Variants in NMNAT2 observed in about 807,000 individuals in gnomAD.
NMNAT2 encodes the protein nicotinamide nucleotide adenylyltransferase 2.
In NMNAT2, 11 loss-of-function variants were observed where a neutral mutation model predicts 41.6. The ratio of observed to expected loss-of-function variants is 0.26; its 90% CI spans 0.17 to 0.44. NMNAT2 has a LOEUF of 0.44. Ranked by LOEUF, NMNAT2 falls within the 20% of genes least tolerant of loss-of-function variation. The pLI is 1.00. For missense variants in NMNAT2, 288 were observed against 407.7 expected, an observed-to-expected ratio of 0.71 and a Z score of 2.53; for synonymous variants, 148 against 151.2, an observed-to-expected ratio of 0.98 and a Z score of 0.16.
chr1:183,256,261 T>C (rs1384685077), intron 10 of NMNAT2, among the ~76,000 whole-genome samples: 1 of 151,782 alleles, frequency 6.6e-6, no homozygotes, highest in Non-Finnish European at 1.5e-5. Flanking sequence ...CACAAAAAAT[T>C]AGCTGGGCAT....
At chr1:183,367,578 G>C (rs1663440628) in intron 1 of NMNAT2, among the ~76,000 whole-genome samples, 2 of 152,196 alleles carry the variant, frequency 1.3e-5, no homozygotes, top group African/African-American at 4.8e-5. Context: ...TAGAAGCCCA[G>C]TGCAAGATGA....
At chr1:183,394,304 A>T (rs1164575950) in intron 1 of NMNAT2, among the ~76,000 whole-genome samples, 1 of 152,206 alleles carries the variant, frequency 6.6e-6, no homozygotes. Flanking sequence ...CCTAGTCAAG[A>T]GTTTCAGAAG....
chr1:183,362,796 G>C (rs1040382149), intron 1 of NMNAT2, among the ~76,000 whole-genome samples: 1 of 152,108 alleles, frequency 6.6e-6, no homozygotes, highest in Non-Finnish European at 1.5e-5. Context: ...TGGTATTGGT[G>C]GGACATATGG....
intron 1 of NMNAT2, chr1:183,304,546 C>A: frequency 1.2e-6 from 1 of 845,800 alleles, no homozygotes; most frequent in South Asian, 1.5e-5. Flanking sequence ...AACAGGCATG[C>A]ACAGAGCAGC....
At chr1:183,253,947 G>A (rs1293241171) in intron 10 of NMNAT2, among the ~76,000 whole-genome samples, 2 of 148,868 alleles carry the variant, frequency 1.3e-5, no homozygotes, top group African/African-American at 5.1e-5. Context: ...GTGTGTGTAT[G>A]TGTGTGTGTA....
intron 1 of NMNAT2, among the ~76,000 whole-genome samples, chr1:183,361,256 T>C (rs546811304): frequency 6.6e-6 from 1 of 152,284 alleles, no homozygotes; most frequent in African/African-American, 2.4e-5. Flanking sequence ...CAGGGGACCC[T>C]TATCCTCCCC....
At chr1:183,323,358 T>A (rs1386469585) in intron 1 of NMNAT2, among the ~76,000 whole-genome samples, 1 of 152,088 alleles carries the variant, frequency 6.6e-6, no homozygotes, top group Non-Finnish European at 1.5e-5. Flanking sequence ...TGCTTCCTCT[T>A]TCACCCTTCA....
chr1:183,251,415 TATGAAA>T lies in NMNAT2; in HGVS notation c.*1220_*1225del, dbSNP rs752652745. 3.9e-5 allele frequency: 6 copies of T among 152,294 alleles called. No individual in the cohort carries two copies. The highest frequency in any genetic ancestry group is 5.9e-5 in the Non-Finnish European group (4 of 68,086). 9.4% of individuals were successfully genotyped at this position (152,294 alleles called of 1,614,324 possible). ...CTCCTAGTTCATCCTGGACTTACAA[TATGAAA>T]GAGACATTTCCCAGCCCAACAGACA... On this transcript the variant is annotated 3_prime_UTR_variant, in exon 11 of 11. Coordinates refer to ENST00000287713, the MANE Select transcript of NMNAT2 (RefSeq NM_015039.4).
intron 7 of NMNAT2, among the ~76,000 whole-genome samples, chr1:183,280,642 C>T (rs1292488390): frequency 6.6e-6 from 1 of 152,062 alleles, no homozygotes; most frequent in Non-Finnish European, 1.5e-5. Flanking sequence ...CCCACCGTGG[C>T]CTCCCAAAGT....
intron 9 of NMNAT2, 37 bp downstream of exon 9, chr1:183,261,165 C>T (rs774964749): frequency 6.2e-7 from 1 of 1,606,592 alleles, no homozygotes; most frequent in Admixed American, 1.7e-5. Context: ...CAGAGAAGGG[C>T]CATAACACAG....
rs376501186 is a variant in NMNAT2 at position 183,418,358 on chromosome 1, C to T, written c.-91G>A. 15 of 1,283,968 alleles carry T rather than the reference C, an allele frequency of 1.2e-5. No individual in the cohort carries two copies. The African/African-American group carries it at 1.9e-4, about 16-fold the overall frequency. The allele number at this position is 1,283,968 out of a possible 1,614,324, so 79.5% of individuals were successfully genotyped here. A position where few individuals can be genotyped will look rare whatever the true frequency, so the allele number is the denominator to read the frequency against. On this transcript the variant is annotated 5_prime_UTR_variant, in exon 1 of 11. Coordinates refer to ENST00000287713, the MANE Select transcript of NMNAT2 (RefSeq NM_015039.4). ...AGAGGGAGAAAGGAAGGCGAGGCTC[C>T]GGCGGTGGATGCTGTGGACTCCAAG... is the stretch of plus-strand genomic sequence containing the variant.
intron 1 of NMNAT2, among the ~76,000 whole-genome samples, chr1:183,391,932 C>T (rs1042067142): frequency 9.2e-5 from 14 of 152,302 alleles, no homozygotes; most frequent in African/African-American, 3.4e-4. Context: ...GCCTCTTCCC[C>T]ATCTCCCCAA....
chr1:183,341,281 C>T (rs1181722952), intron 1 of NMNAT2, among the ~76,000 whole-genome samples: 1 of 152,046 alleles, frequency 6.6e-6, no homozygotes, highest in African/African-American at 2.4e-5. Context: ...ATTAGTTGCT[C>T]CCATTCTGAA....
intron 1 of NMNAT2, among the ~76,000 whole-genome samples, chr1:183,354,671 C>G (rs1020221501): frequency 3.9e-5 from 6 of 152,128 alleles, no homozygotes; most frequent in African/African-American, 1.4e-4. Flanking sequence ...TCCACCTCGG[C>G]CTCCGAAAGT....
chr1:183,389,283 T>A (rs1357488107), intron 1 of NMNAT2, among the ~76,000 whole-genome samples: 2 of 152,178 alleles, frequency 1.3e-5, no homozygotes, highest in Admixed American at 6.5e-5. Context: ...TTGTCATCTC[T>A]GTTGAGCAAA....
chr1:183,397,141 T>C (rs1278304089), intron 1 of NMNAT2, among the ~76,000 whole-genome samples: 3 of 152,194 alleles, frequency 2.0e-5, no homozygotes, highest in Admixed American at 1.3e-4. Context: ...TGTGTACTTT[T>C]TACTTTGCAA....
intron 1 of NMNAT2, among the ~76,000 whole-genome samples, chr1:183,407,686 A>G (rs2101930249): frequency 6.6e-6 from 1 of 152,332 alleles, no homozygotes; most frequent in African/African-American, 2.4e-5. Flanking sequence ...AAGTACTATA[A>G]GAGAGGTACA....
At chr1:183,352,186 ACCTC>A (rs1306504995) in intron 1 of NMNAT2, among the ~76,000 whole-genome samples, 1 of 151,816 alleles carries the variant, frequency 6.6e-6, no homozygotes, top group African/African-American at 2.4e-5. Flanking sequence ...AAAATCGTTC[ACCTC>A]CCTGTGCTCT....
At chr1:183,285,949 C>G (rs1017723453) in intron 5 of NMNAT2, among the ~76,000 whole-genome samples, 1 of 152,204 alleles carries the variant, frequency 6.6e-6, no homozygotes, top group Non-Finnish European at 1.5e-5. Flanking sequence ...CTGGGTGTGA[C>G]TCATGGCCCT....
Sources: gnomAD v4.1 joint callset for allele counts (sites outside exome capture counted in the v4.1 genomes callset) on GRCh38, gnomAD v4.1.1 for gene constraint, MANE v1.5 for transcripts, NCBI Gene and HGNC (gene_info 2026-07-23, HGNC 2026-07-21) for gene names.